SRFBP1: variants seen among roughly 807,000 people sequenced by gnomAD.
SRFBP1 encodes the protein serum response factor-binding protein 1.
A neutral mutation model predicts 45.5 loss-of-function variants in SRFBP1; 47 were observed. The observed-to-expected ratio is 1.03, with a 90% CI of 0.82 to 1.32. The LOEUF (loss-of-function observed/expected upper bound fraction) is 1.32. Among genes scored for constraint, SRFBP1 ranks in the 40% most tolerant of loss-of-function variants. SRFBP1 has a pLI of 0.00. For missense variants in SRFBP1, 621 were observed against 484.6 expected (o/e 1.28, Z -2.64); for synonymous variants, 203 against 166.3 (o/e 1.22, Z -1.70).
At chr5:122,076,888 C>G (rs1383826431), downstream of SRFBP1, 2 of 1,613,628 alleles carry the variant, frequency 1.2e-6, no homozygotes, top group South Asian at 1.1e-5. Flanking sequence ...CATATCAGCC[C>G]GTACCTGGCC....
At chr5:122,077,899 C>T (rs749641467), downstream of SRFBP1, 4 of 1,519,678 alleles carry the variant, frequency 2.6e-6, no homozygotes, top group Admixed American at 9.5e-5. This position sits in a 1 kb window ranked among gnomAD's most constrained non-coding sequence, Gnocchi z 4.9. Flanking sequence ...GCGGGGGCTG[C>T]TGTTGGCCGG....
chr5:122,078,001 A>G, downstream of SRFBP1: 3 of 1,441,854 alleles, frequency 2.1e-6, no homozygotes, highest in Non-Finnish European at 2.7e-6. Context: ...CTTTTGCCAG[A>G]TTGACCCCGC....
At chr5:122,074,834 C>G (rs10059661) in intron 2 of SRFBP1, among the ~76,000 whole-genome samples, 22,671 of 152,068 alleles carry the variant, frequency 0.15, 1,856 homozygotes, top group Non-Finnish European at 0.18. Context: ...AAGTTTAAGG[C>G]CACACATGAG....
chr5:122,030,157 C>A (rs1168639037), downstream of SRFBP1, among the ~76,000 whole-genome samples: 2 of 152,142 alleles, frequency 1.3e-5, no homozygotes, highest in African/African-American at 4.8e-5. Context: ...AAAAATGTTT[C>A]TCTCTGTGAA....
chr5:121,992,914 C>T (rs76508231), intron 3 of SRFBP1, among the ~76,000 whole-genome samples: 5,807 of 151,976 alleles, frequency 0.038, 321 homozygotes, highest in African/African-American at 0.12. Flanking sequence ...AATTTTGATA[C>T]TCTGGCTCCT....
intron 1 of SRFBP1, among the ~76,000 whole-genome samples, chr5:121,965,922 C>G (rs1232984663): frequency 6.6e-6 from 1 of 152,092 alleles, no homozygotes; most frequent in East Asian, 1.9e-4. Context: ...AGTTGTATTT[C>G]TAGGCATTTT....
At chr5:122,016,408 T>G (rs1408286951) in intron 4 of SRFBP1, among the ~76,000 whole-genome samples, 1 of 152,234 alleles carries the variant, frequency 6.6e-6, no homozygotes, top group Non-Finnish European at 1.5e-5. Context: ...CCTTCATAAT[T>G]TTAGAAGCAT....
In SRFBP1 at chr5:122,070,052, C is replaced by T. The variant is rs1233555524; in HGVS notation, n.312-5263C>T. On this transcript the variant is annotated intron_variant and non_coding_transcript_variant, in intron 2 of 2. Transcript: ENST00000504881. ...TACTTAGCTAAGCAAATAACACTTA[C>T]GGTGAAATTGTGCAGCCTGAGGCAT... 5.6e-6 allele frequency: 9 copies of T among 1,597,798 alleles called. No individual in the cohort carries two copies. Among genetic ancestry groups the T allele is most frequent in the East Asian group, 4.5e-5 (2 of 44,812 alleles).
rs1224405763 is a variant in SRFBP1, at chr5:122,026,976, G to T, written c.1140G>T (p.Gln380His). ...FPQNEPQIKNQFNKKLSGRLE... is the reference protein window; with the variant it reads ...FPQNEPQIKNHFNKKLSGRLE... ...AGAATGAGCCTCAGATCAAGAATCA[G>T]TTTAATAAGAAGCTATCAGGAAGAC... Residue 380 changes from glutamine to histidine, a missense_variant, in exon 8 of 8, where the codon CAG (glutamine) becomes CAT (histidine). Gln to His is a conservative substitution (Grantham distance 24). Coordinates refer to ENST00000339397, the MANE Select transcript of SRFBP1 (RefSeq NM_152546.3). 5.0e-6 allele frequency: 8 copies of T among 1,612,556 alleles called. No homozygotes were observed. The highest frequency in any genetic ancestry group is 6.8e-6 in the Non-Finnish European group (8 of 1,179,638).
downstream of SRFBP1, chr5:122,077,658 A>G (rs550052560): frequency 2.5e-6 from 4 of 1,607,536 alleles, no homozygotes; most frequent in South Asian, 3.3e-5. This position sits in a 1 kb window ranked among gnomAD's most constrained non-coding sequence, Gnocchi z 4.9. Flanking sequence ...GTGACTCCAG[A>G]TGAGCCGGCC....
At chr5:121,994,288 T>G (rs1752673878) in intron 3 of SRFBP1, among the ~76,000 whole-genome samples, 1 of 152,066 alleles carries the variant, frequency 6.6e-6, no homozygotes, top group Admixed American at 6.6e-5. Context: ...TTTTTCCTGT[T>G]TGCCTGGCAT....
rs1222719952 is a variant in SRFBP1, at chr5:122,027,590, A to C, written c.*464A>C. The C allele has an allele frequency of 6.6e-6, 1 of 152,200 alleles. No homozygotes were observed. Among genetic ancestry groups the C allele is most frequent in the African/African-American group, 2.4e-5 (1 of 41,438 alleles). 9.4% of individuals were successfully genotyped at this position (152,200 alleles called of 1,614,324 possible). Reference sequence around the variant, plus strand: ...ATCATGAAATGTGCTTCACTGGTTCAGCTCTGTTGTTTCCTTAAACATAAA... The same window carrying C: ...ATCATGAAATGTGCTTCACTGGTTCCGCTCTGTTGTTTCCTTAAACATAAA... On this transcript the variant is annotated 3_prime_UTR_variant, in exon 8 of 8. Transcript: ENST00000339397.
chr5:122,026,766 A>G (rs1037426759), intron 7 of SRFBP1, among the ~76,000 whole-genome samples, 176 bp from the exon 8 acceptor site: 2 of 152,190 alleles, frequency 1.3e-5, no homozygotes, highest in African/African-American at 4.8e-5. Flanking sequence ...GACTACTTGT[A>G]TATAAATTTT....
At chr5:122,077,216 G>C, downstream of SRFBP1, 3 of 1,490,132 alleles carry the variant, frequency 2.0e-6, no homozygotes, top group African/African-American at 1.4e-5. This position sits in a 1 kb window ranked among gnomAD's most constrained non-coding sequence, Gnocchi z 4.9. Context: ...CTGGATTCCA[G>C]GGCTGCCACT....
intron 2 of SRFBP1, among the ~76,000 whole-genome samples, chr5:122,042,699 T>C (rs1753791751): frequency 6.6e-6 from 1 of 152,224 alleles, no homozygotes; most frequent in South Asian, 2.1e-4. Flanking sequence ...GTGTGCTCTT[T>C]TAGCCATATC....
At chr5:121,974,981 A>G (rs1580500415) in intron 2 of SRFBP1, among the ~76,000 whole-genome samples, 1 of 151,934 alleles carries the variant, frequency 6.6e-6, no homozygotes, top group Non-Finnish European at 1.5e-5. Context: ...CTAATTGTAA[A>G]TTATGACATT....
chr5:122,001,230 G>A (rs916288134), intron 4 of SRFBP1, among the ~76,000 whole-genome samples: 2 of 151,398 alleles, frequency 1.3e-5, no homozygotes, highest in Non-Finnish European at 3.0e-5. Flanking sequence ...TGAGTAAAAT[G>A]AATAAAAGTT....
intron 2 of SRFBP1, 122 bp from the exon 3 acceptor site, chr5:121,975,193 G>A: frequency 1.0e-6 from 1 of 964,586 alleles, no homozygotes; most frequent in South Asian, 1.5e-5. Flanking sequence ...TAGGATAGTG[G>A]CGTGTTTGTT....
At chr5:122,047,400 G>A (rs555697572) in intron 2 of SRFBP1, among the ~76,000 whole-genome samples, 379 of 152,192 alleles carry the variant, frequency 2.5e-3, no homozygotes, top group African/African-American at 7.5e-3. Flanking sequence ...TGTTCCATTG[G>A]TCTATATCTC....
Sources: gnomAD v4.1 joint callset for allele counts (sites outside exome capture counted in the v4.1 genomes callset) on GRCh38, gnomAD v4.1.1 for gene constraint, Gnocchi (gnomAD v3.1) non-coding constraint, MANE v1.5 for transcripts, NCBI Gene and HGNC (gene_info 2026-07-23, HGNC 2026-07-21) for gene names.